Variants in RBFOX1 observed in about 807,000 individuals in gnomAD.
RBFOX1 encodes the protein RNA binding fox-1 homolog 1.
Under a neutral mutation model 57.7 loss-of-function variants are expected in RBFOX1, and 8 were observed. That is an observed-to-expected ratio of 0.14 (90% CI 0.08 to 0.25). The LOEUF (loss-of-function observed/expected upper bound fraction) is 0.25. Among genes scored for constraint, RBFOX1 ranks in the 10% least tolerant of loss-of-function variants. The pLI, the probability that RBFOX1 is intolerant of heterozygous loss-of-function variation, is 1.00. For missense variants in RBFOX1, 611 were observed against 548.5 expected (o/e 1.11, Z -1.14); for synonymous variants, 326 against 222.4 (o/e 1.47, Z -4.15).
chr16:6,496,071 C>A (rs1231334322), intron 2 of RBFOX1, among the ~76,000 whole-genome samples: 2 of 152,148 alleles, frequency 1.3e-5, no homozygotes, highest in Non-Finnish European at 2.9e-5. Flanking sequence ...GGAAAGATTC[C>A]ATGAAATGTT....
chr16:7,329,833 A>G (rs2096661009), intron 4 of RBFOX1, among the ~76,000 whole-genome samples: 3 of 152,236 alleles, frequency 2.0e-5, no homozygotes, highest in South Asian at 4.1e-4. Flanking sequence ...TATCCCCGGC[A>G]CAAGGTATAA....
intron 4 of RBFOX1, chr16:7,332,911 T>G: frequency 6.9e-6 from 11 of 1,593,662 alleles, no homozygotes; most frequent in Non-Finnish European, 9.4e-6. Flanking sequence ...CTCCCAGCTT[T>G]GTAGTTCGGA....
rs868695990 is a variant in RBFOX1, at chr16:6,256,237, A to G, written c.-126-60758A>G. ...TATATATATGTATATATATATGTGTATATATATATGTATATATATGTGTAT... is the reference window on the plus strand; with the variant it reads ...TATATATATGTATATATATATGTGTGTATATATATGTATATATATGTGTAT... On this transcript the variant is annotated intron_variant, in intron 1 of 15. Coordinates refer to ENST00000550418, the MANE Select transcript of RBFOX1 (RefSeq NM_018723.4). 5.0e-4 allele frequency among the ~76,000 whole-genome samples: 42 copies of G among 84,330 alleles called. 1 individual carries two copies. The highest frequency in any genetic ancestry group is 3.4e-3 in the South Asian group (9 of 2,656). The allele number at this position is 84,330 out of a possible 152,430, so 55.3% of individuals were successfully genotyped here. A position where few individuals can be genotyped will look rare whatever the true frequency, so the allele number is the denominator to read the frequency against.
intron 3 of RBFOX1, chr16:6,774,023 G>C (rs1390492098): frequency 6.1e-6 from 6 of 984,940 alleles, no homozygotes; most frequent in East Asian, 1.1e-4. Context: ...GGTAATCACA[G>C]TTTGCTTTTT....
intron 2 of RBFOX1, among the ~76,000 whole-genome samples, chr16:6,530,963 C>G (rs1238405614): frequency 2.0e-5 from 3 of 152,178 alleles, no homozygotes; most frequent in Non-Finnish European, 4.4e-5. Flanking sequence ...CAGAAAAACC[C>G]CAATCACCTC....
intron 1 of RBFOX1, among the ~76,000 whole-genome samples, chr16:5,348,056 C>A (rs1195274719): frequency 6.7e-6 from 1 of 149,066 alleles, no homozygotes; most frequent in Admixed American, 6.7e-5. Flanking sequence ...CCCACCCTTC[C>A]ACTCAGTCAC....
At chr16:7,235,091 A>G (rs4786990) in intron 4 of RBFOX1, among the ~76,000 whole-genome samples, 104,293 of 152,152 alleles carry the variant, frequency 0.69, 37,226 homozygotes, top group East Asian at 0.96. Context: ...AGAATGTAAA[A>G]CAGAAAAAGT....
intron 3 of RBFOX1, among the ~76,000 whole-genome samples, chr16:6,684,209 C>G (rs1469657922): frequency 6.6e-6 from 1 of 152,154 alleles, no homozygotes; most frequent in Non-Finnish European, 1.5e-5. Context: ...TTATTAGTTT[C>G]TTATGCATGG....
At chr16:5,904,388 G>C (rs1313018635) in intron 4 of RBFOX1, among the ~76,000 whole-genome samples, 1 of 152,020 alleles carries the variant, frequency 6.6e-6, no homozygotes. Flanking sequence ...AGGTGTTTAG[G>C]AGCTCGTTTT....
At chr16:7,459,114 A>C (rs2059080335) in intron 4 of RBFOX1, among the ~76,000 whole-genome samples, 1 of 152,070 alleles carries the variant, frequency 6.6e-6, no homozygotes, top group Non-Finnish European at 1.5e-5. Flanking sequence ...AATGGATGTA[A>C]CAGTTGGGTG....
At chr16:7,189,693 T>C (rs2084901897) in intron 4 of RBFOX1, among the ~76,000 whole-genome samples, 1 of 152,156 alleles carries the variant, frequency 6.6e-6, no homozygotes, top group Non-Finnish European at 1.5e-5. Context: ...AAAGGTACCA[T>C]AGGTTATAAA....
intron 4 of RBFOX1, chr16:7,304,227 A>AGAGC (rs957000690): frequency 1.0e-6 from 1 of 979,584 alleles, no homozygotes; most frequent in African/African-American, 1.8e-5. Flanking sequence ...AGAGAGAGAG[A>AGAGC]GAGAGAGAGA....
At chr16:7,480,623 G>C (rs1165051041) in intron 4 of RBFOX1, among the ~76,000 whole-genome samples, 8 of 152,136 alleles carry the variant, frequency 5.3e-5, no homozygotes, top group Admixed American at 5.2e-4. Flanking sequence ...ATTCCCTCTT[G>C]CCTGAAGGCC....
At chr16:6,065,346 A>T (rs1251904133) in intron 1 of RBFOX1, among the ~76,000 whole-genome samples, 1 of 151,990 alleles carries the variant, frequency 6.6e-6, no homozygotes, top group Admixed American at 6.6e-5. Context: ...TATGATTCTT[A>T]TGGATGCCTA....
At chr16:7,390,463 C>G (rs1199486969) in intron 4 of RBFOX1, among the ~76,000 whole-genome samples, 2 of 152,210 alleles carry the variant, frequency 1.3e-5, no homozygotes, top group African/African-American at 4.8e-5. Flanking sequence ...CTCACATCTT[C>G]TAACCTCTCA....
At chr16:5,878,438 G>A (rs1181319398) in intron 4 of RBFOX1, among the ~76,000 whole-genome samples, 1 of 152,094 alleles carries the variant, frequency 6.6e-6, no homozygotes, top group Non-Finnish European at 1.5e-5. Context: ...ACCCACTCAG[G>A]GCCATATGGC....
chr16:7,124,922 C>G (rs750321831), intron 4 of RBFOX1, among the ~76,000 whole-genome samples: 2 of 152,052 alleles, frequency 1.3e-5, no homozygotes, highest in East Asian at 1.9e-4. Context: ...TAATTAAAAT[C>G]TGAGCCCTGG....
chr16:6,352,686 C>T (rs2086621398), intron 2 of RBFOX1, among the ~76,000 whole-genome samples: 1 of 152,144 alleles, frequency 6.6e-6, no homozygotes, highest in African/African-American at 2.4e-5. Context: ...AAAGGATATC[C>T]TGCGTGTTTG....
intron 4 of RBFOX1, among the ~76,000 whole-genome samples, chr16:5,945,194 T>C (rs1227779916): frequency 6.6e-6 from 1 of 152,092 alleles, no homozygotes; most frequent in Non-Finnish European, 1.5e-5. Context: ...GCTGACCACA[T>C]GCCAGGAAGT....
Sources: allele counts gnomAD v4.1 joint callset (sites outside exome capture counted in the v4.1 genomes callset), GRCh38; gene constraint gnomAD v4.1.1; transcripts MANE v1.5; gene names NCBI Gene and HGNC (gene_info 2026-07-23, HGNC 2026-07-21).